Variants in SPOCK3 observed in about 807,000 individuals in gnomAD.
SPOCK3 encodes SPARC (osteonectin), cwcv and kazal like domains proteoglycan 3.
In SPOCK3, 30 loss-of-function variants were observed where a neutral mutation model predicts 56.6. The ratio of observed to expected loss-of-function variants is 0.53; its 90% CI spans 0.40 to 0.72. The LOEUF (loss-of-function observed/expected upper bound fraction) is 0.72. SPOCK3 is among the 30% of genes least tolerant of loss of function. The probability of loss-of-function intolerance (pLI) is 0.00; values close to 1 mark genes in which losing one functional copy is unlikely to be tolerated. For synonymous variants in SPOCK3, 196 were observed against 183.3 expected (o/e 1.07, Z -0.56); for missense variants, 527 against 530.0 (o/e 0.99, Z 0.06).
chr4:167,000,114 T>C (rs1027896917), intron 4 of SPOCK3, among the ~76,000 whole-genome samples: 3 of 152,192 alleles, frequency 2.0e-5, no homozygotes, highest in African/African-American at 7.2e-5. Flanking sequence ...ATATCATCTT[T>C]ATAAGACCTT....
intron 2 of SPOCK3, among the ~76,000 whole-genome samples, chr4:167,224,814 G>A (rs544038961): frequency 1.3e-5 from 2 of 151,928 alleles, no homozygotes; most frequent in African/African-American, 2.4e-5. Flanking sequence ...TTACAGGCAC[G>A]TGCCACCACA....
Position 167,010,036 on chromosome 4 carries a change from G to C in SPOCK3, c.236-9573C>G, listed in dbSNP as rs558662877. Among the ~76,000 whole-genome samples the C allele has an allele frequency of 7.9e-5, 12 of 152,096 alleles. No homozygotes were observed. The South Asian group carries it at 2.5e-3, about 32-fold the overall frequency. On this transcript the variant is annotated intron_variant, in intron 3 of 10. Coordinates refer to ENST00000357545, the MANE Select transcript of SPOCK3 (RefSeq NM_001040159.2). ...TAATTATTAAAATTTAACTACCAAA[G>C]CACATTATGCTGAAACTGCAAAGAA...
rs560977164 is a variant in SPOCK3, at chr4:167,088,050, G to GA, written c.190-25514dup. On this transcript the variant is annotated intron_variant, in intron 2 of 10. Coordinates refer to ENST00000357545, the MANE Select transcript of SPOCK3 (RefSeq NM_001040159.2). ...ATCAGAAATAAGAGAAATTATTCCT[G>GA]AAAAAAAAAATCTTAGAAGCAAAAG... 7.0e-4 allele frequency among the ~76,000 whole-genome samples: 104 copies of GA among 148,654 alleles called. No homozygotes were observed. The South Asian group carries it at 0.012, about 17-fold the overall frequency.
At chr4:167,108,515 G>A (rs951358518) in intron 2 of SPOCK3, among the ~76,000 whole-genome samples, 6 of 151,850 alleles carry the variant, frequency 4.0e-5, no homozygotes, top group Non-Finnish European at 8.8e-5. Context: ...AACATGGATG[G>A]AACTAGAGGT....
chr4:167,073,732 T>C (rs935974202), intron 2 of SPOCK3, among the ~76,000 whole-genome samples: 4 of 152,030 alleles, frequency 2.6e-5, no homozygotes, highest in Non-Finnish European at 2.9e-5. Flanking sequence ...ATTGTTGTTA[T>C]TTGGTTTCTA....
intron 2 of SPOCK3, among the ~76,000 whole-genome samples, chr4:167,220,531 C>G (rs1388929675): frequency 6.6e-6 from 1 of 151,572 alleles, no homozygotes; most frequent in Non-Finnish European, 1.5e-5. Flanking sequence ...GCATGTGCCA[C>G]CACACACAGC....
intron 7 of SPOCK3, among the ~76,000 whole-genome samples, chr4:166,762,097 G>T (rs1046035438): frequency 1.3e-5 from 2 of 151,772 alleles, no homozygotes; most frequent in Non-Finnish European, 2.9e-5. Flanking sequence ...CAGTGTTTTT[G>T]TTGTTGTTTA....
chr4:167,192,615 T>C (rs1402295099), intron 2 of SPOCK3, among the ~76,000 whole-genome samples: 1 of 146,028 alleles, frequency 6.8e-6, no homozygotes, highest in Non-Finnish European at 1.5e-5. Context: ...CTCATTTATT[T>C]CTGTTATAAC....
At chr4:166,970,074 C>A (rs1416272633) in intron 4 of SPOCK3, among the ~76,000 whole-genome samples, 2 of 152,176 alleles carry the variant, frequency 1.3e-5, no homozygotes, top group African/African-American at 4.8e-5. Flanking sequence ...TAGAAACACA[C>A]TAGTCTTTCT....
intron 2 of SPOCK3, among the ~76,000 whole-genome samples, chr4:167,157,895 T>C (rs949805017): frequency 3.3e-5 from 5 of 151,994 alleles, no homozygotes; most frequent in Non-Finnish European, 7.4e-5. Context: ...GTAATGAAAG[T>C]AATAGGGTTT....
chr4:166,755,321 G>A lies in SPOCK3; in HGVS notation c.710-592C>T, dbSNP rs138399347. ...CTTACCTCAAGGAAATTTTACAAAT[G>A]CAAATGTGTTATTATGAGAGGCCAG... On this transcript the variant is annotated intron_variant, in intron 7 of 10. Coordinates refer to ENST00000357545, the MANE Select transcript of SPOCK3 (RefSeq NM_001040159.2). Among the ~76,000 whole-genome samples the A allele has an allele frequency of 2.4e-3, 364 of 152,108 alleles. 2 individuals are homozygous for A. Among genetic ancestry groups the A allele is most frequent in the African/African-American group, 8.2e-3 (339 of 41,494 alleles).
At chr4:167,050,621 A>G (rs560964028) in intron 3 of SPOCK3, among the ~76,000 whole-genome samples, 1 of 152,306 alleles carries the variant, frequency 6.6e-6, no homozygotes, top group Non-Finnish European at 1.5e-5. Flanking sequence ...ACTATTCACA[A>G]TAGCCAAAAG....
chr4:167,145,030 T>G (rs532185842), intron 2 of SPOCK3, among the ~76,000 whole-genome samples: 1 of 152,082 alleles, frequency 6.6e-6, no homozygotes, highest in East Asian at 1.9e-4. Flanking sequence ...CACAGCAAAT[T>G]GGGAGATATT....
At chr4:167,013,749 C>T (rs549623649) in intron 3 of SPOCK3, among the ~76,000 whole-genome samples, 27 of 152,008 alleles carry the variant, frequency 1.8e-4, no homozygotes, top group South Asian at 1.5e-3. Context: ...ACTAATATGG[C>T]GATTTTGGCT....
chr4:167,065,037 C>CAA (rs56284627), intron 2 of SPOCK3, among the ~76,000 whole-genome samples: 13,888 of 62,922 alleles, frequency 0.22, 1,491 homozygotes, highest in African/African-American at 0.26. Flanking sequence ...ATGCCCTCTC[C>CAA]AAAAAAAAAA....
chr4:166,976,561 C>T (rs1413059756), intron 4 of SPOCK3, among the ~76,000 whole-genome samples: 1 of 152,164 alleles, frequency 6.6e-6, no homozygotes, highest in East Asian at 1.9e-4. Flanking sequence ...TACTTCCTTT[C>T]TTTATTTAGG....
At chr4:167,000,914 G>T (rs1748888080) in intron 3 of SPOCK3, among the ~76,000 whole-genome samples, 1 of 152,108 alleles carries the variant, frequency 6.6e-6, no homozygotes, top group African/African-American at 2.4e-5. Context: ...GACATTAATG[G>T]ATATCTTTGG....
intron 4 of SPOCK3, among the ~76,000 whole-genome samples, chr4:166,937,934 C>CCT (rs1554005383): frequency 7.6e-6 from 1 of 131,560 alleles, no homozygotes; most frequent in South Asian, 2.5e-4. Flanking sequence ...CGGCTAATCT[C>CCT]TTTTTTTTTT....
rs550495988 is a variant in SPOCK3 at position 167,060,761 on chromosome 4, G to A, written c.235+1731C>T. 2.0e-5 allele frequency among the ~76,000 whole-genome samples: 3 copies of A among 152,156 alleles called. No individual in the cohort carries two copies. The South Asian group carries it at 6.2e-4, about 32-fold the overall frequency. On this transcript the variant is annotated intron_variant, in intron 3 of 10. Coordinates refer to ENST00000357545, the MANE Select transcript of SPOCK3 (RefSeq NM_001040159.2). ...ATATGAGTGGTAATATTGCATAGCA[G>A]TTAGGAAACAGGTTTGGGGGTTCAG...
Sources: allele counts gnomAD v4.1 joint callset (sites outside exome capture counted in the v4.1 genomes callset), GRCh38; gene constraint gnomAD v4.1.1; transcripts MANE v1.5; gene names NCBI Gene and HGNC (gene_info 2026-07-23, HGNC 2026-07-21).